ARHGAP20: variants seen among roughly 807,000 people sequenced by gnomAD.
The protein encoded by ARHGAP20 is Rho GTPase activating protein 20.
ARHGAP20 carries 34 observed loss-of-function variants against 73.7 expected under a neutral mutation model. That is an observed-to-expected ratio of 0.46 (90% confidence interval 0.35 to 0.61). ARHGAP20 has a LOEUF of 0.61. Among genes scored for constraint, ARHGAP20 ranks in the 20% least tolerant of loss-of-function variants. The pLI is 0.00. For synonymous variants in ARHGAP20, 523 were observed against 518.2 expected (o/e 1.01, Z -0.13); for missense variants, 1,314 against 1,420.9 (o/e 0.92, Z 1.21).
At chr11:110,696,237 G>T (rs182433978) in intron 1 of ARHGAP20, among the ~76,000 whole-genome samples, 15 of 151,594 alleles carry the variant, frequency 9.9e-5, no homozygotes, top group Non-Finnish European at 1.6e-4. Context: ...TTCTAAAATT[G>T]ACTGTGGTGA....
At chr11:110,643,409 A>T (rs1949117300) in intron 2 of ARHGAP20, among the ~76,000 whole-genome samples, 1 of 152,058 alleles carries the variant, frequency 6.6e-6, no homozygotes, top group South Asian at 2.1e-4. Context: ...TTAGTACGAC[A>T]ATCTTTCCTC....
At position 110,580,451 on chromosome 11, in the gene ARHGAP20, G is replaced by C; in HGVS notation, c.2495C>G (p.Thr832Arg). ...CCTTGGACCCTTGAGGGCATCTGCT[G>C]TGTGTGGTGGGGAGTATCCAGATGT... ...VNTSGYSPPH[T>R]ADALKGPRTH... The change falls in exon 15 of 15, where the codon ACA becomes AGA. Residue 832 changes from threonine (T) to arginine (R), a missense_variant. By Grantham distance (71) the Thr-to-Arg change is moderately conservative. This residue lies in a region of ARHGAP20 where 641 missense variants were observed against 636.9 expected (regional missense o/e 1.01). Coordinates refer to ENST00000683387, the MANE Select transcript of ARHGAP20 (RefSeq NM_001384657.1). The C allele has an allele frequency of 6.2e-7, 1 of 1,614,202 alleles. No individual in the cohort carries two copies. The highest frequency in any genetic ancestry group is 8.5e-7 in the Non-Finnish European group (1 of 1,180,036).
intron 2 of ARHGAP20, among the ~76,000 whole-genome samples, 153 bp from the exon 3 acceptor site, chr11:110,630,945 T>C (rs1220223709): frequency 6.6e-6 from 1 of 152,232 alleles, no homozygotes; most frequent in Non-Finnish European, 1.5e-5. Context: ...TATTTCATTA[T>C]GAAAATTTTG....
At position 110,664,727 on chromosome 11, in the gene ARHGAP20, CAAAAAAAAAA is replaced by C. The variant is rs34643863; in HGVS notation, c.188+25810_188+25819del. ...TGGGCGACAGAGTGAGACTCCGTCT[CAAAAAAAAAA>C]AAAAAAAAGAAAAAAGAAAGAAAGA... On this transcript the variant is annotated intron_variant, in intron 2 of 14. Transcript: ENST00000683387. Among the ~76,000 whole-genome samples the C allele has an allele frequency of 4.1e-3, 361 of 88,316 alleles. 5 individuals carry two copies. The Admixed American group carries it at 0.042, about 10-fold the overall frequency. 57.9% of individuals were successfully genotyped at this position (88,316 alleles called of 152,430 possible).
At chr11:110,685,085 A>C (rs1404931516) in intron 2 of ARHGAP20, among the ~76,000 whole-genome samples, 1 of 152,126 alleles carries the variant, frequency 6.6e-6, no homozygotes, top group Non-Finnish European at 1.5e-5. Flanking sequence ...GGCTTTTATC[A>C]CCGAAAAATT....
chr11:110,683,615 A>G (rs964081331), intron 2 of ARHGAP20, among the ~76,000 whole-genome samples: 13 of 152,142 alleles, frequency 8.5e-5, no homozygotes, highest in Non-Finnish European at 1.6e-4. Context: ...GGAGATTCCA[A>G]TGAAGTGTGA....
chr11:110,579,226 G>T lies in ARHGAP20; in HGVS notation c.*144C>A. ...ATTTGTCAAGTAGTCTCAATAAAGA[G>T]AATTATTTCGTTGTCCTAAGTATTA... On this transcript the variant is annotated 3_prime_UTR_variant, in exon 15 of 15. Transcript: ENST00000683387. The T allele has an allele frequency of 1.5e-6, 2 of 1,362,192 alleles. No homozygotes were observed. The highest frequency in any genetic ancestry group is 9.5e-7 in the Non-Finnish European group (1 of 1,055,974). 84.4% of individuals were successfully genotyped at this position (1,362,192 alleles called of 1,614,324 possible).
chr11:110,705,430 T>C (rs1950535206), intron 1 of ARHGAP20, among the ~76,000 whole-genome samples: 1 of 152,196 alleles, frequency 6.6e-6, no homozygotes, highest in Admixed American at 6.5e-5. Context: ...CTGCACTAAC[T>C]ATTTAGGTAT....
At chr11:110,596,935 T>C (rs1337624882) in intron 9 of ARHGAP20, among the ~76,000 whole-genome samples, 1 of 152,076 alleles carries the variant, frequency 6.6e-6, no homozygotes, top group African/African-American at 2.4e-5. Context: ...ATGTGGCACA[T>C]ATAGACCATG....
At chr11:110,637,423 C>T (rs1034955896) in intron 2 of ARHGAP20, among the ~76,000 whole-genome samples, 4 of 152,132 alleles carry the variant, frequency 2.6e-5, no homozygotes, top group Admixed American at 2.0e-4. Flanking sequence ...TTTCTCAAAG[C>T]CCATTCCAAA....
Position 110,621,074 on chromosome 11 carries a change from CAAAAAA to C in ARHGAP20, c.503+3082_503+3087del, listed in dbSNP as rs34424855. On this transcript the variant is annotated intron_variant, in intron 4 of 14. Transcript: ENST00000683387. ...GGGCAACAAGAGTAAAACTCCATCTCAAAAAAAAAAAAAAAAAAAAAAAGCTCCACT... is the reference window on the plus strand; with the variant it reads ...GGGCAACAAGAGTAAAACTCCATCTCAAAAAAAAAAAAAAAAAGCTCCACT... 1.1e-4 allele frequency among the ~76,000 whole-genome samples: 5 copies of C among 46,800 alleles called. No individual in the cohort carries two copies. In the South Asian group the frequency reaches 5.8e-3, roughly 55 times the overall value. The allele number at this position is 46,800 out of a possible 152,430, so 30.7% of individuals were successfully genotyped here.
chr11:110,591,625 T>C (rs1947830591), intron 10 of ARHGAP20, among the ~76,000 whole-genome samples: 1 of 152,192 alleles, frequency 6.6e-6, no homozygotes. Flanking sequence ...AAAACCTAAG[T>C]GTAGGATCGA....
At chr11:110,631,781 C>T (rs1157448855) in intron 2 of ARHGAP20, among the ~76,000 whole-genome samples, 1 of 152,204 alleles carries the variant, frequency 6.6e-6, no homozygotes, top group East Asian at 1.9e-4. Context: ...TTTACTCTCT[C>T]ATGCAATCCT....
chr11:110,635,109 G>C (rs982817069), intron 2 of ARHGAP20, among the ~76,000 whole-genome samples: 1 of 152,000 alleles, frequency 6.6e-6, no homozygotes, highest in African/African-American at 2.4e-5. Flanking sequence ...TGTTTCTTGG[G>C]TTTGAATAGC....
rs1042541318 is a variant in ARHGAP20, at chr11:110,578,947, A to C, written c.*423T>G. 2 of 987,336 alleles carry C rather than the reference A, an allele frequency of 2.0e-6. No individual in the cohort carries two copies. The highest frequency in any genetic ancestry group is 3.5e-5 in the African/African-American group (2 of 57,262). The allele number at this position is 987,336 out of a possible 1,614,324, so 61.2% of individuals were successfully genotyped here. ...GGCATTTTTCTTGCCTACTTATTAA[A>C]AACATTCCATGGAATGTAGATGGTT... On this transcript the variant is annotated 3_prime_UTR_variant, in exon 15 of 15. Coordinates refer to ENST00000683387, the MANE Select transcript of ARHGAP20 (RefSeq NM_001384657.1).
chr11:110,704,990 A>T (rs77646885), intron 1 of ARHGAP20, among the ~76,000 whole-genome samples: 1 of 152,182 alleles, frequency 6.6e-6, no homozygotes, highest in Non-Finnish European at 1.5e-5. Context: ...GTACACACAT[A>T]TAACTTTGAT....
chr11:110,698,460 C>T (rs1465655860), intron 1 of ARHGAP20, among the ~76,000 whole-genome samples: 2 of 151,578 alleles, frequency 1.3e-5, no homozygotes, highest in Non-Finnish European at 3.0e-5. Context: ...ATAATCCCTC[C>T]TCATTGGTTT....
chr11:110,615,716 C>A, intron 4 of ARHGAP20, 122 bp from the exon 5 acceptor site: 1 of 807,736 alleles, frequency 1.2e-6, no homozygotes. Context: ...CAGTTGCACA[C>A]ATAAGCTGCA....
intron 2 of ARHGAP20, among the ~76,000 whole-genome samples, chr11:110,671,875 G>GA (rs1372852936): frequency 2.0e-5 from 3 of 152,172 alleles, no homozygotes; most frequent in East Asian, 3.9e-4. Context: ...GTTCCAGAGT[G>GA]AAAACGTATG....
Sources: gnomAD v4.1 joint callset for allele counts (sites outside exome capture counted in the v4.1 genomes callset) on GRCh38, gnomAD v4.1.1 for gene constraint, gnomAD v4.1.1 regional missense constraint, MANE v1.5 for transcripts, NCBI Gene and HGNC (gene_info 2026-07-23, HGNC 2026-07-21) for gene names.